Variants in FRMD4B observed in about 807,000 individuals in gnomAD.
FRMD4B encodes the protein FERM domain containing 4B.
In FRMD4B, 74 loss-of-function variants were observed where a neutral mutation model predicts 141.5. The ratio of observed to expected loss-of-function variants is 0.52; its 90% confidence interval spans 0.43 to 0.63. The LOEUF is 0.63. Ranked by LOEUF, FRMD4B falls within the 30% of genes least tolerant of loss-of-function variation. FRMD4B has a pLI of 0.00. For missense variants in FRMD4B, 1,366 were observed against 1,253.4 expected, an observed-to-expected ratio of 1.09 and a Z score of -1.36; for synonymous variants, 506 against 467.9, an observed-to-expected ratio of 1.08 and a Z score of -1.05.
At chr3:69,502,054 AT>A (rs1044918134) in intron 1 of FRMD4B, among the ~76,000 whole-genome samples, 17 of 152,232 alleles carry the variant, frequency 1.1e-4, no homozygotes. Context: ...ATGGAAGAAC[AT>A]TTCATGCTCA....
intron 1 of FRMD4B, among the ~76,000 whole-genome samples, chr3:69,371,212 T>G (rs1268367812): frequency 1.3e-5 from 2 of 152,116 alleles, no homozygotes; most frequent in African/African-American, 4.8e-5. Flanking sequence ...CAGACAACAT[T>G]CTGTGGGCTA....
chr3:69,174,494 C>T (rs1322136937), intron 22 of FRMD4B, among the ~76,000 whole-genome samples: 1 of 152,086 alleles, frequency 6.6e-6, no homozygotes, highest in African/African-American at 2.4e-5. Flanking sequence ...GGAATTATGG[C>T]TAATTTATTT....
chr3:69,477,370 T>C (rs1706020480), intron 1 of FRMD4B, among the ~76,000 whole-genome samples: 1 of 145,568 alleles, frequency 6.9e-6, no homozygotes, highest in Non-Finnish European at 1.5e-5. Context: ...TAATTTGAGA[T>C]ACGTCCCATC....
intron 1 of FRMD4B, among the ~76,000 whole-genome samples, chr3:69,522,206 C>T (rs1700864766): frequency 6.6e-6 from 1 of 152,068 alleles, no homozygotes; most frequent in African/African-American, 2.4e-5. Flanking sequence ...TGGGCTAGCA[C>T]ATCAAAGGTT....
At chr3:69,315,527 A>G (rs940997315) in intron 1 of FRMD4B, among the ~76,000 whole-genome samples, 2 of 152,156 alleles carry the variant, frequency 1.3e-5, no homozygotes, top group African/African-American at 4.8e-5. Context: ...GTGTGTATAC[A>G]TATTTTTTGT....
chr3:69,444,408 A>T (rs1363649208), intron 1 of FRMD4B, among the ~76,000 whole-genome samples: 5 of 152,174 alleles, frequency 3.3e-5, no homozygotes, highest in African/African-American at 1.2e-4. Context: ...GTGTATGAGG[A>T]GTTGGAGAAC....
At chr3:69,274,937 A>T (rs1198709397) in intron 5 of FRMD4B, among the ~76,000 whole-genome samples, 1 of 152,170 alleles carries the variant, frequency 6.6e-6, no homozygotes, top group Non-Finnish European at 1.5e-5. Flanking sequence ...TCACTGTGCT[A>T]GTTTATATTT....
At chr3:69,226,568 C>T (rs988413732) in intron 7 of FRMD4B, among the ~76,000 whole-genome samples, 1 of 152,038 alleles carries the variant, frequency 6.6e-6, no homozygotes, top group Non-Finnish European at 1.5e-5. Context: ...TCCCCATCGA[C>T]CACATGCATG....
chr3:69,265,509 C>T (rs1267366466), intron 5 of FRMD4B, among the ~76,000 whole-genome samples: 8 of 126,618 alleles, frequency 6.3e-5, no homozygotes, highest in Admixed American at 9.3e-5. Flanking sequence ...AGTGCAGTGG[C>T]GCGATCTCGG....
At chr3:69,266,519 T>C (rs937212219) in intron 5 of FRMD4B, among the ~76,000 whole-genome samples, 2 of 151,962 alleles carry the variant, frequency 1.3e-5, no homozygotes, top group Non-Finnish European at 1.5e-5. Context: ...AGAGATGGGG[T>C]TTTGCCACTT....
intron 11 of FRMD4B, among the ~76,000 whole-genome samples, chr3:69,201,254 T>C (rs1282728572): frequency 6.6e-6 from 1 of 151,974 alleles, no homozygotes; most frequent in Non-Finnish European, 1.5e-5. Context: ...CAAAATTCAG[T>C]GATTACTTCT....
intron 1 of FRMD4B, among the ~76,000 whole-genome samples, chr3:69,516,826 A>G (rs1013961860): frequency 1.1e-4 from 16 of 152,204 alleles, no homozygotes; most frequent in Non-Finnish European, 2.2e-4. Flanking sequence ...GAGAGCTGGA[A>G]AACTGCTGGG....
chr3:69,206,571 G>C (rs1197943410), intron 11 of FRMD4B, among the ~76,000 whole-genome samples: 1 of 152,172 alleles, frequency 6.6e-6, no homozygotes, highest in East Asian at 1.9e-4. Flanking sequence ...TAAGACTCTC[G>C]TTAGCGTGCT....
intron 1 of FRMD4B, among the ~76,000 whole-genome samples, chr3:69,380,564 C>G (rs894426711): frequency 6.6e-6 from 1 of 152,168 alleles, no homozygotes; most frequent in African/African-American, 2.4e-5. Flanking sequence ...TTCTGTTCCC[C>G]CACTCTTACC....
intron 5 of FRMD4B, among the ~76,000 whole-genome samples, chr3:69,275,426 TTC>T (rs200522020): frequency 9.0e-4 from 126 of 140,492 alleles, no homozygotes; most frequent in African/African-American, 2.5e-3. Flanking sequence ...AATGTTTTTA[TTC>T]TCTCTCTCTC....
chr3:69,357,379 T>C (rs1034382909), intron 1 of FRMD4B, among the ~76,000 whole-genome samples: 2 of 152,222 alleles, frequency 1.3e-5, no homozygotes, highest in Non-Finnish European at 2.9e-5. Flanking sequence ...TGGGGAGCCC[T>C]GTTTAGGAGT....
Position 69,196,276 on chromosome 3 carries a change from T to C in FRMD4B, c.1213A>G (p.Asn405Asp). Residue 405 changes from asparagine (N) to aspartate (D), a missense_variant, in exon 14 of 23, where the codon AAT becomes GAT. Transcript: ENST00000398540. ...ETKSQFIMAS[N>D]GSLISSGSQD... ...TTACCTGAGGAGATTAAACTGCCATTACTTGCCATGATGAACTGACTTTTC... is the reference window on the plus strand; with the variant it reads ...TTACCTGAGGAGATTAAACTGCCATCACTTGCCATGATGAACTGACTTTTC... 1 of 1,605,704 alleles carries C rather than the reference T, an allele frequency of 6.2e-7. No individual in the cohort carries two copies. Among genetic ancestry groups the C allele is most frequent in the Non-Finnish European group, 8.5e-7 (1 of 1,177,210 alleles).
chr3:69,328,370 G>A (rs1702252978), intron 1 of FRMD4B, among the ~76,000 whole-genome samples: 1 of 152,194 alleles, frequency 6.6e-6, no homozygotes, highest in South Asian at 2.1e-4. Flanking sequence ...CAAGGTGAGA[G>A]TATTTACACC....
chr3:69,463,898 C>T (rs1705741112), intron 1 of FRMD4B, among the ~76,000 whole-genome samples: 1 of 152,158 alleles, frequency 6.6e-6, no homozygotes, highest in African/African-American at 2.4e-5. Flanking sequence ...TAGAGATCCA[C>T]CCAGTAGAAA....
Sources: gnomAD v4.1 joint callset for allele counts (sites outside exome capture counted in the v4.1 genomes callset) on GRCh38, gnomAD v4.1.1 for gene constraint, MANE v1.5 for transcripts, NCBI Gene and HGNC (gene_info 2026-07-23, HGNC 2026-07-21) for gene names.